GAB2: variants seen among roughly 807,000 people sequenced by gnomAD.
GAB2 encodes the protein GRB2-associated-binding protein 2.
In GAB2, 26 loss-of-function variants were observed where a neutral mutation model predicts 65.5. The observed-to-expected ratio is 0.40, with a 90% confidence interval of 0.29 to 0.55. The LOEUF (loss-of-function observed/expected upper bound fraction) is 0.55, where lower values mean the gene tolerates loss of function less well. Ranked by LOEUF, GAB2 falls within the 20% of genes least tolerant of loss-of-function variation. The pLI is 0.53. For missense variants in GAB2, 884 were observed against 875.8 expected (o/e 1.01, Z -0.12); for synonymous variants, 321 against 329.6 (o/e 0.97, Z 0.28).
chr11:78,354,296 G>A (rs944712576), intron 1 of GAB2, among the ~76,000 whole-genome samples: 1 of 152,064 alleles, frequency 6.6e-6, no homozygotes, highest in Non-Finnish European at 1.5e-5. Flanking sequence ...AAGTCTTATT[G>A]CTTACTTCTC....
chr11:78,240,108 A>G (rs1289387803), intron 3 of GAB2, among the ~76,000 whole-genome samples: 2 of 151,962 alleles, frequency 1.3e-5, no homozygotes, highest in Non-Finnish European at 2.9e-5. Flanking sequence ...TTCAAGGAAA[A>G]CAGTATCTTG....
At chr11:78,231,669 G>A (rs1183475699) in intron 3 of GAB2, 1 of 152,114 alleles carries the variant, frequency 6.6e-6, no homozygotes, top group African/African-American at 2.4e-5. Flanking sequence ...TTTAAAAATG[G>A]TTTTCTAGTT....
chr11:78,370,117 C>T (rs1455839798), intron 1 of GAB2, among the ~76,000 whole-genome samples: 1 of 151,120 alleles, frequency 6.6e-6, no homozygotes, highest in African/African-American at 2.4e-5. Context: ...ATTAGCCGGG[C>T]GTAGTGGCGG....
rs1245719249 is a variant in GAB2, at chr11:78,346,717, ATATAATT to A, written c.76-65823_76-65817del. On this transcript the variant is annotated intron_variant, in intron 1 of 9. Transcript: ENST00000361507. ...TATATATATATATATATATATATAT[ATATAATT>A]TTTTTTTTTTTTAGGAAAAGAAACA... 1.5e-4 allele frequency among the ~76,000 whole-genome samples: 6 copies of A among 40,090 alleles called. 1 individual carries two copies. The highest frequency in any genetic ancestry group is 2.8e-4 in the African/African-American group (3 of 10,660). The allele number at this position is 40,090 out of a possible 152,430, so 26.3% of individuals were successfully genotyped here.
intron 1 of GAB2, among the ~76,000 whole-genome samples, chr11:78,390,614 C>T (rs1185255976): frequency 6.6e-6 from 1 of 151,966 alleles, no homozygotes; most frequent in Non-Finnish European, 1.5e-5. Context: ...CCTATAGAGG[C>T]CTATGGTTGG....
chr11:78,393,369 C>A (rs567755342), intron 1 of GAB2, among the ~76,000 whole-genome samples: 1 of 152,276 alleles, frequency 6.6e-6, no homozygotes, highest in Admixed American at 6.5e-5. Context: ...CAAAAAGCAC[C>A]TTGCATTTGA....
In GAB2 at chr11:78,215,718, A is replaced by G. The variant is rs544762170; in HGVS notation, c.*3554T>C. The G allele has an allele frequency of 2.0e-5, 3 of 152,462 alleles. No individual in the cohort carries two copies. Among genetic ancestry groups the G allele is most frequent in the South Asian group, 4.1e-4 (2 of 4,826 alleles). The allele number at this position is 152,462 out of a possible 1,614,324, so 9.4% of individuals were successfully genotyped here. A position where few individuals can be genotyped will look rare whatever the true frequency, so the allele number is the denominator to read the frequency against. ...TCTCTTGGGGACCCCCTCGGCAGGTACCCCATTGTGGTCCCAGGTCCTAAA... is the reference window on the plus strand; with the variant it reads ...TCTCTTGGGGACCCCCTCGGCAGGTGCCCCATTGTGGTCCCAGGTCCTAAA... On this transcript the variant is annotated 3_prime_UTR_variant, in exon 10 of 10. Coordinates refer to ENST00000361507, the MANE Select transcript of GAB2 (RefSeq NM_080491.3).
intron 1 of GAB2, among the ~76,000 whole-genome samples, chr11:78,301,161 G>A (rs117599819): frequency 1.7e-4 from 26 of 152,202 alleles, no homozygotes; most frequent in Non-Finnish European, 3.7e-4. Context: ...TACATATTCT[G>A]GATGCAGTTG....
intron 1 of GAB2, among the ~76,000 whole-genome samples, chr11:78,347,619 C>T (rs1856211478): frequency 6.6e-6 from 1 of 152,102 alleles, no homozygotes; most frequent in African/African-American, 2.4e-5. Context: ...TGCTTCACAC[C>T]ATATACAAAC....
At chr11:78,398,801 C>G (rs1856934875) in intron 1 of GAB2, among the ~76,000 whole-genome samples, 1 of 152,158 alleles carries the variant, frequency 6.6e-6, no homozygotes, top group Non-Finnish European at 1.5e-5. Context: ...CTAGCTAATT[C>G]CAGGTCTGGG....
intron 1 of GAB2, among the ~76,000 whole-genome samples, chr11:78,287,697 G>A (rs916195788): frequency 1.3e-5 from 2 of 149,308 alleles, no homozygotes; most frequent in Admixed American, 6.7e-5. Context: ...TGCTCAGGGT[G>A]GAGTGCAGTG....
chr11:78,366,084 G>C (rs971476006), intron 1 of GAB2, among the ~76,000 whole-genome samples: 1 of 152,200 alleles, frequency 6.6e-6, no homozygotes, highest in Admixed American at 6.5e-5. Context: ...CTATAAGGTG[G>C]TGTAGAGTTC....
intron 1 of GAB2, among the ~76,000 whole-genome samples, chr11:78,346,726 T>TA (rs1358562876): frequency 6.2e-5 from 8 of 129,778 alleles, no homozygotes; most frequent in Non-Finnish European, 4.8e-5. Flanking sequence ...TATATAATTT[T>TA]TTTTTTTTTT....
intron 2 of GAB2, among the ~76,000 whole-genome samples, chr11:78,264,736 C>T (rs1289974168): frequency 2.6e-5 from 4 of 152,098 alleles, no homozygotes; most frequent in African/African-American, 4.8e-5. Flanking sequence ...AGTACCACAA[C>T]GACAAGTGTA....
At chr11:78,284,538 G>C (rs562343663) in intron 1 of GAB2, among the ~76,000 whole-genome samples, 1 of 152,284 alleles carries the variant, frequency 6.6e-6, no homozygotes, top group Non-Finnish European at 1.5e-5. Context: ...CACAGTGCCA[G>C]GCGTGCTCCT....
chr11:78,315,602 G>A (rs959945055), intron 1 of GAB2, among the ~76,000 whole-genome samples: 1 of 152,172 alleles, frequency 6.6e-6, no homozygotes, highest in Non-Finnish European at 1.5e-5. Context: ...CATGACAATG[G>A]ATTTGACAAT....
chr11:78,238,332 T>C (rs114070012), intron 3 of GAB2, among the ~76,000 whole-genome samples: 2,455 of 149,906 alleles, frequency 0.016, 83 homozygotes, highest in African/African-American at 0.059. Context: ...AGCGAGACCA[T>C]ATCTCTACAA....
intron 1 of GAB2, among the ~76,000 whole-genome samples, chr11:78,395,174 C>G (rs1030897152): frequency 1.3e-5 from 2 of 152,250 alleles, no homozygotes; most frequent in Non-Finnish European, 2.9e-5. Context: ...ATCAACCAGG[C>G]CAGGCGCGGC....
chr11:78,364,616 C>T (rs1010268255), intron 1 of GAB2, among the ~76,000 whole-genome samples: 2 of 152,124 alleles, frequency 1.3e-5, no homozygotes, highest in South Asian at 4.1e-4. Context: ...GTTATTCTAC[C>T]TCTAGCTTCT....
Sources: gnomAD v4.1 joint callset for allele counts (sites outside exome capture counted in the v4.1 genomes callset) on GRCh38, gnomAD v4.1.1 for gene constraint, MANE v1.5 for transcripts, NCBI Gene and HGNC (gene_info 2026-07-23, HGNC 2026-07-21) for gene names.